Variants in C4orf46 observed in about 807,000 individuals in gnomAD.
C4orf46 encodes renal cancer differentiation gene 1 protein.
A neutral mutation model predicts 9.1 loss-of-function variants in C4orf46; 8 were observed. The observed-to-expected ratio is 0.88, with a 90% confidence interval of 0.52 to 1.59. C4orf46 has a LOEUF of 1.59. Among genes scored for constraint, C4orf46 ranks in the 40% most tolerant of loss-of-function variants. The probability of loss-of-function intolerance (pLI) is 0.00; values close to 1 mark genes in which losing one functional copy is unlikely to be tolerated. For synonymous variants in C4orf46, 51 were observed against 58.8 expected (o/e 0.87, Z 0.61); for missense variants, 151 against 139.1 (o/e 1.09, Z -0.43).
Position 158,671,755 on chromosome 4 carries a change from G to A in C4orf46, c.47C>T (p.Pro16Leu). The A allele has an allele frequency of 6.4e-7, 1 of 1,562,728 alleles. No homozygotes were observed. The highest frequency in any genetic ancestry group is 8.7e-7 in the Non-Finnish European group (1 of 1,153,780). Residue 16 changes from proline (P) to leucine (L), a missense_variant, in exon 1 of 2, where the codon CCT becomes CTT. Pro to Leu is a moderately conservative substitution (Grantham distance 98, BLOSUM62 -3). Coordinates refer to ENST00000379205, the MANE Select transcript of C4orf46 (RefSeq NM_001008393.4). Reference protein sequence around the residue: ...ELQVSSPPPPPPSSPSSSDAS... With the variant: ...ELQVSSPPPPLPSSPSSSDAS... ...GTCTGAAGAGGAGGGAGAAGAGGGA[G>A]GCGGCGGGGGCGGCGAAGAAACCTG... is the stretch of plus-strand genomic sequence containing the variant.
At chr4:158,670,027 T>TC (rs1561230853) in intron 1 of C4orf46, among the ~76,000 whole-genome samples, 2 of 65,642 alleles carry the variant, frequency 3.0e-5, no homozygotes, top group African/African-American at 1.2e-4. Context: ...TGTTTTCTTT[T>TC]TTTTTTTTTT....
Position 158,667,540 on chromosome 4 carries a change from A to G in C4orf46, c.*2073T>C, listed in dbSNP as rs1391452666. The G allele has an allele frequency of 2.6e-5, 4 of 151,934 alleles. No individual in the cohort carries two copies. Among genetic ancestry groups the G allele is most frequent in the East Asian group, 3.9e-4 (2 of 5,194 alleles). 9.4% of individuals were successfully genotyped at this position (151,934 alleles called of 1,614,324 possible). A position where few individuals can be genotyped will look rare whatever the true frequency, so the allele number is the denominator to read the frequency against. Reference sequence around the variant, plus strand: ...ATGTAATATCTAAAAACTGACAAGTAAAAAAAACAACATAGAAAAATGAGC... The same window carrying G: ...ATGTAATATCTAAAAACTGACAAGTGAAAAAAACAACATAGAAAAATGAGC... On this transcript the variant is annotated 3_prime_UTR_variant, in exon 2 of 2. Transcript: ENST00000379205.
chr4:158,669,539 G>T lies in C4orf46; in HGVS notation c.*74C>A. ...GCTGGACAGAGGTCATCCTATATGTGTGGTACATGTACAAAATATGACATA... is the reference window on the plus strand; with the variant it reads ...GCTGGACAGAGGTCATCCTATATGTTTGGTACATGTACAAAATATGACATA... On this transcript the variant is annotated 3_prime_UTR_variant, in exon 2 of 2. Transcript: ENST00000379205. 6.9e-7 allele frequency: 1 copy of T among 1,445,286 alleles called. No individual in the cohort carries two copies. The highest frequency in any genetic ancestry group is 1.2e-5 in the South Asian group (1 of 82,446). The allele number at this position is 1,445,286 out of a possible 1,614,324, so 89.5% of individuals were successfully genotyped here. A position where few individuals can be genotyped will look rare whatever the true frequency, so the allele number is the denominator to read the frequency against.
chr4:158,671,206 T>A (rs904807923), intron 1 of C4orf46, among the ~76,000 whole-genome samples: 3 of 152,178 alleles, frequency 2.0e-5, no homozygotes, highest in African/African-American at 7.2e-5. Flanking sequence ...AGCAAACTCA[T>A]GCAGTGAAAA....
At chr4:158,670,134 C>T (rs1773489146) in intron 1 of C4orf46, among the ~76,000 whole-genome samples, 1 of 145,292 alleles carries the variant, frequency 6.9e-6, no homozygotes, top group Non-Finnish European at 1.5e-5. Context: ...AGTGATTCTC[C>T]TGCCTCAGCC....
Position 158,671,719 on chromosome 4 carries a change from G to C in C4orf46, c.83C>G (p.Ala28Gly), listed in dbSNP as rs1773557852. ...ACTCACTGGGCCGCCCGGGGAAGAT[G>C]CTGCAGAGGCGTCTGAAGAGGAGGG... is the stretch of plus-strand genomic sequence containing the variant. The part of the protein sequence containing the change: ...SSPSSSDASA[A>G]SSPGGPVSLG... Residue 28 changes from alanine to glycine, a missense_variant, in exon 1 of 2, where the codon GCA (alanine) becomes GGA (glycine). Coordinates refer to ENST00000379205, the MANE Select transcript of C4orf46 (RefSeq NM_001008393.4). 1.2e-6 allele frequency: 2 copies of C among 1,603,088 alleles called. No homozygotes were observed. Among genetic ancestry groups the C allele is most frequent in the East Asian group, 2.3e-5 (1 of 44,406 alleles).
Position 158,669,533 on chromosome 4 carries a change from A to C in C4orf46, c.*80T>G. The C allele has an allele frequency of 7.1e-7, 1 of 1,406,092 alleles. No homozygotes were observed. The highest frequency in any genetic ancestry group is 9.9e-7 in the Non-Finnish European group (1 of 1,009,050). The allele number at this position is 1,406,092 out of a possible 1,614,324, so 87.1% of individuals were successfully genotyped here. A position where few individuals can be genotyped will look rare whatever the true frequency, so the allele number is the denominator to read the frequency against. ...AGAACTGCTGGACAGAGGTCATCCT[A>C]TATGTGTGGTACATGTACAAAATAT... On this transcript the variant is annotated 3_prime_UTR_variant, in exon 2 of 2. Coordinates refer to ENST00000379205, the MANE Select transcript of C4orf46 (RefSeq NM_001008393.4).
chr4:158,669,848 C>CT (rs1005926455), intron 1 of C4orf46, 80 bp from the exon 2 acceptor site: 26 of 1,196,336 alleles, frequency 2.2e-5, no homozygotes, highest in Non-Finnish European at 3.0e-5. Context: ...TAGCTTAAGG[C>CT]TTTGAATCCA....
intron 1 of C4orf46, 134 bp from the exon 2 acceptor site, chr4:158,669,902 C>G: frequency 1.4e-6 from 1 of 689,780 alleles, no homozygotes; most frequent in East Asian, 2.7e-5. Flanking sequence ...TTTCAAACTA[C>G]AGCACTGGCT....
chr4:158,671,536 T>C, intron 1 of C4orf46, 80 bp downstream of exon 1: 1 of 1,358,864 alleles, frequency 7.4e-7, no homozygotes, highest in Non-Finnish European at 9.7e-7. Flanking sequence ...GGGGGACCGA[T>C]TCCCTAGCCT....
rs1773386227 is a variant in C4orf46, at chr4:158,666,800, G to A, written c.*2813C>T. ...TGGACTATATAGCATCTTCCACAAA[G>A]AATACATTTCAGAGAAGTGTGACAA... On this transcript the variant is annotated 3_prime_UTR_variant, in exon 2 of 2. Transcript: ENST00000379205. 1 of 152,188 alleles carries A rather than the reference G, an allele frequency of 6.6e-6. No individual in the cohort carries two copies. The highest frequency in any genetic ancestry group is 1.5e-5 in the Non-Finnish European group (1 of 68,020). 9.4% of individuals were successfully genotyped at this position (152,188 alleles called of 1,614,324 possible).
chr4:158,671,161 A>C (rs982354810), intron 1 of C4orf46, among the ~76,000 whole-genome samples: 6 of 152,230 alleles, frequency 3.9e-5, no homozygotes, highest in Non-Finnish European at 8.8e-5. Flanking sequence ...CATGGAAAGA[A>C]ATCACAGCCT....
rs886169230 is a variant in C4orf46 at position 158,666,774 on chromosome 4, C to T, written c.*2839G>A. On this transcript the variant is annotated 3_prime_UTR_variant, in exon 2 of 2. Coordinates refer to ENST00000379205, the MANE Select transcript of C4orf46 (RefSeq NM_001008393.4). Reference sequence around the variant, plus strand: ...TAAACACAAGTAGTGGCTTACAACTCTGGACTATATAGCATCTTCCACAAA... The same window carrying T: ...TAAACACAAGTAGTGGCTTACAACTTTGGACTATATAGCATCTTCCACAAA... The T allele has an allele frequency of 3.3e-5, 5 of 152,306 alleles. No individual in the cohort carries two copies. In the East Asian group the frequency reaches 9.6e-4, roughly 29 times the overall value. 9.4% of individuals were successfully genotyped at this position (152,306 alleles called of 1,614,324 possible). A position where few individuals can be genotyped will look rare whatever the true frequency, so the allele number is the denominator to read the frequency against.
intron 1 of C4orf46, among the ~76,000 whole-genome samples, chr4:158,670,721 T>C (rs909065364): frequency 1.3e-5 from 2 of 152,220 alleles, no homozygotes; most frequent in African/African-American, 4.8e-5. Context: ...TTAAGCACTC[T>C]AGTCATCCTT....
chr4:158,670,750 A>AG (rs1773510995), intron 1 of C4orf46, among the ~76,000 whole-genome samples: 1 of 152,190 alleles, frequency 6.6e-6, no homozygotes, highest in East Asian at 1.9e-4. Flanking sequence ...ATACTTGCGG[A>AG]GCAATGAGAT....
intron 1 of C4orf46, among the ~76,000 whole-genome samples, chr4:158,670,028 T>TTGTTTTTTTTTTTTTTTTTTTTTTC (rs1773483051): frequency 8.8e-6 from 1 of 113,142 alleles, no homozygotes; most frequent in Non-Finnish European, 1.7e-5. Context: ...GTTTTCTTTT[T>TTGTTTTTTTTTTTTTTTTTTTTTTC]TTTTTTTTTT....
rs777098728 is a variant in C4orf46, at chr4:158,671,691, CA to C, written c.110del (p.Leu37TrpfsTer31). On this transcript the variant is annotated frameshift_variant, in exon 1 of 2. Coordinates refer to ENST00000379205, the MANE Select transcript of C4orf46 (RefSeq NM_001008393.4). LOFTEE classifies it high-confidence loss of function. Reference sequence around the variant, plus strand: ...TGCTCCTGCTCGGAACTGGCCAGCCCAAACTCACTGGGCCGCCCGGGGAAGA... The same window carrying C: ...TGCTCCTGCTCGGAACTGGCCAGCCCAACTCACTGGGCCGCCCGGGGAAGA... ...AASSPGGPVS[L>X]GWPVPSRSSG... 13 of 1,612,366 alleles carry C rather than the reference CA, an allele frequency of 8.1e-6. No homozygotes were observed. Among genetic ancestry groups the C allele is most frequent in the Non-Finnish European group, 1.1e-5 (13 of 1,179,282 alleles).
rs1490600212 is a variant in C4orf46 at position 158,668,285 on chromosome 4, T to C, written c.*1328A>G. 2 of 152,646 alleles carry C rather than the reference T, an allele frequency of 1.3e-5. No homozygotes were observed. Among genetic ancestry groups the C allele is most frequent in the African/African-American group, 2.4e-5 (1 of 41,466 alleles). The allele number at this position is 152,646 out of a possible 1,614,324, so 9.5% of individuals were successfully genotyped here. A position where few individuals can be genotyped will look rare whatever the true frequency, so the allele number is the denominator to read the frequency against. ...TTTTCAGGAGATGTAAGAAGAATAT[T>C]TTTCTAATACTGAAATAAGCATATC... On this transcript the variant is annotated 3_prime_UTR_variant, in exon 2 of 2. Coordinates refer to ENST00000379205, the MANE Select transcript of C4orf46 (RefSeq NM_001008393.4).
chr4:158,671,702 G>C lies in C4orf46; in HGVS notation c.100C>G (p.Pro34Ala), dbSNP rs141418697. ...DASAASSPGG[P>A]VSLGWPVPSR... is the part of the protein sequence containing the mutation. Reference sequence around the variant, plus strand: ...GGAACTGGCCAGCCCAAACTCACTGGGCCGCCCGGGGAAGATGCTGCAGAG... The same window carrying C: ...GGAACTGGCCAGCCCAAACTCACTGCGCCGCCCGGGGAAGATGCTGCAGAG... The change falls in exon 1 of 2, where the codon CCA (proline) becomes GCA (alanine). Residue 34 changes from proline (P) to alanine (A), a missense_variant. Transcript: ENST00000379205. 1 of 1,610,508 alleles carries C rather than the reference G, an allele frequency of 6.2e-7. No homozygotes were observed. The highest frequency in any genetic ancestry group is 1.3e-5 in the African/African-American group (1 of 74,966).
Sources: gnomAD v4.1 joint callset for allele counts (sites outside exome capture counted in the v4.1 genomes callset) on GRCh38, gnomAD v4.1.1 for gene constraint, MANE v1.5 for transcripts, NCBI Gene and HGNC (gene_info 2026-07-23, HGNC 2026-07-21) for gene names.